The following CLASRP variants were observed in gnomAD, a reference collection of about 807,000 sequenced individuals.
CLASRP encodes the protein CLK4 associating serine/arginine rich protein, also known as CLK4-associating serine/arginine rich protein.
In CLASRP, 52 loss-of-function variants were observed where a neutral mutation model predicts 99.9. The ratio of observed to expected loss-of-function variants is 0.52; its 90% CI spans 0.42 to 0.66. CLASRP has a LOEUF of 0.66. Ranked by LOEUF, CLASRP falls within the 30% of genes least tolerant of loss-of-function variation. The pLI is 0.00. For missense variants in CLASRP, 848 were observed against 999.2 expected (o/e 0.85, Z 2.04); for synonymous variants, 379 against 373.0 (o/e 1.02, Z -0.18).
At chr19:45,063,128 T>C (rs549745894) in intron 11 of CLASRP, among the ~76,000 whole-genome samples, 1 of 152,134 alleles carries the variant, frequency 6.6e-6, no homozygotes, top group African/African-American at 2.4e-5. Flanking sequence ...TCAGATACTT[T>C]CTTTTTATTT....
Position 45,064,178 on chromosome 19 carries a change from G to A in CLASRP, c.1072G>A (p.Ala358Thr), listed in dbSNP as rs775988146. The A allele has an allele frequency of 6.2e-7, 1 of 1,609,104 alleles. No homozygotes were observed. The highest frequency in any genetic ancestry group is 8.5e-7 in the Non-Finnish European group (1 of 1,178,574). The part of the protein sequence containing the change: ...ASGVTTGKPP[A>T]PPQPGGPAPG... ...AGGAGTCACCACAGGGAAGCCCCCC[G>A]CACCTCCCCAGCCTGGCGGCCCCGC... Residue 358 changes from alanine (A) to threonine (T), a missense_variant, in exon 12 of 21, where the codon GCA becomes ACA. By Grantham distance (58) the Ala-to-Thr change is moderately conservative. Coordinates refer to ENST00000221455, the MANE Select transcript of CLASRP (RefSeq NM_007056.3).
rs779210157 is a variant in CLASRP, at chr19:45,070,789, C to A, written c.1983-14C>A. On this transcript the variant is annotated splice_polypyrimidine_tract_variant and intron_variant, in intron 20 of 20. Transcript: ENST00000221455. ...TATGCCCCATCCTCACGGCCCCTCC[C>A]TTTCTCTTTCCAGGCGCTCAAGGTC... The A allele has an allele frequency of 1.2e-6, 2 of 1,607,806 alleles. No homozygotes were observed. Among genetic ancestry groups the A allele is most frequent in the Non-Finnish European group, 1.7e-6 (2 of 1,175,880 alleles).
At chr19:45,062,268 G>T in intron 11 of CLASRP, 73 bp downstream of exon 11, 1 of 897,730 alleles carries the variant, frequency 1.1e-6, no homozygotes, top group African/African-American at 1.6e-5. Flanking sequence ...CTGAGGAGGG[G>T]ATGGGAGGTT....
At chr19:45,039,645 C>A in intron 1 of CLASRP, 1 of 154,442 alleles carries the variant, frequency 6.5e-6, no homozygotes. Flanking sequence ...TCTTCATCTT[C>A]CGCCACGCCC....
At chr19:45,046,782 C>T (rs1971925021) in intron 2 of CLASRP, among the ~76,000 whole-genome samples, 1 of 152,218 alleles carries the variant, frequency 6.6e-6, no homozygotes, top group Non-Finnish European at 1.5e-5. Context: ...AATCCCAACA[C>T]TTTGGGAGGC....
intron 2 of CLASRP, among the ~76,000 whole-genome samples, chr19:45,042,772 A>G (rs957682560): frequency 1.4e-4 from 21 of 151,980 alleles, no homozygotes; most frequent in Non-Finnish European, 7.4e-5. Context: ...ATGTGCCACT[A>G]TGCCTGGCTA....
intron 1 of CLASRP, chr19:45,039,423 C>G (rs927910414): frequency 1.3e-5 from 2 of 152,284 alleles, no homozygotes; most frequent in African/African-American, 2.4e-5. Flanking sequence ...CCACAAGCCC[C>G]GTCCAAACCT....
chr19:45,057,613 G>C, intron 6 of CLASRP, 137 bp from the exon 7 acceptor site: 1 of 937,672 alleles, frequency 1.1e-6, no homozygotes. Context: ...GCTGGGTGTG[G>C]GCAGGAGCAG....
intron 4 of CLASRP, 47 bp from the exon 5 acceptor site, chr19:45,053,051 G>T (rs1487141148): frequency 1.2e-6 from 2 of 1,605,126 alleles, no homozygotes; most frequent in Non-Finnish European, 1.7e-6. Flanking sequence ...GCTTGGGGGG[G>T]GATCCACTCC....
chr19:45,052,937 G>A (rs1292839249), intron 4 of CLASRP, 45 bp downstream of exon 4: 2 of 1,557,892 alleles, frequency 1.3e-6, no homozygotes, highest in Non-Finnish European at 8.8e-7. Flanking sequence ...GTCATACCCA[G>A]GAGCCCCTGT....
chr19:45,049,511 T>C (rs572460214), intron 2 of CLASRP, among the ~76,000 whole-genome samples: 1 of 152,234 alleles, frequency 6.6e-6, no homozygotes, highest in South Asian at 2.1e-4. Context: ...ACCTGGCACA[T>C]AGTGAGTGCG....
chr19:45,053,476 TTTTATTTA>T (rs1276514745), intron 5 of CLASRP, among the ~76,000 whole-genome samples: 1 of 152,112 alleles, frequency 6.6e-6, no homozygotes, highest in Non-Finnish European at 1.5e-5. Flanking sequence ...ATGTTTTTAT[TTTTATTTA>T]TTTATTTATT....
intron 13 of CLASRP, among the ~76,000 whole-genome samples, chr19:45,065,747 G>A (rs1186463398): frequency 1.3e-5 from 2 of 152,070 alleles, no homozygotes; most frequent in Non-Finnish European, 2.9e-5. Flanking sequence ...TAGACTGCAG[G>A]GCACCTGCCT....
chr19:45,051,066 G>A (rs969803896), intron 2 of CLASRP, among the ~76,000 whole-genome samples: 2 of 151,980 alleles, frequency 1.3e-5, no homozygotes, highest in African/African-American at 2.4e-5. Flanking sequence ...GCCTAGTGTG[G>A]GTGAAGTGGT....
chr19:45,046,526 T>G (rs1971919970), intron 2 of CLASRP, among the ~76,000 whole-genome samples: 2 of 152,132 alleles, frequency 1.3e-5, no homozygotes, highest in South Asian at 4.1e-4. Flanking sequence ...CTCAGCGCTG[T>G]CCACTCTAGG....
Position 45,070,854 on chromosome 19 carries a change from GT to G in CLASRP, c.*10del, listed in dbSNP as rs781666937. 60 of 1,556,692 alleles carry G rather than the reference GT, an allele frequency of 3.9e-5. No individual in the cohort carries two copies. The highest frequency in any genetic ancestry group is 4.8e-5 in the Non-Finnish European group (54 of 1,132,898). On this transcript the variant is annotated 3_prime_UTR_variant, in exon 21 of 21. Coordinates refer to ENST00000221455, the MANE Select transcript of CLASRP (RefSeq NM_007056.3). ...CCCATTACCGACATTAGGCAGAAGA[GT>G]GGGGGGTGGGGAGGACAAGGGGGTG...
chr19:45,058,259 G>A (rs1972160088), intron 7 of CLASRP: 2 of 240,092 alleles, frequency 8.3e-6, no homozygotes, highest in African/African-American at 2.2e-5. Context: ...GCCCCCATCC[G>A]CCAGGCATCT....
Position 45,060,337 on chromosome 19 carries a change from T to C in CLASRP, c.711-52T>C. 6.5e-7 allele frequency: 1 copy of C among 1,539,210 alleles called. No individual in the cohort carries two copies. The highest frequency in any genetic ancestry group is 1.7e-5 in the Admixed American group (1 of 59,894). ...TCTGATGACTCAGTCTGTGTCCTCCTTACCCTGTGGCCTGCCCCATCCTCC... is the reference window on the plus strand; with the variant it reads ...TCTGATGACTCAGTCTGTGTCCTCCCTACCCTGTGGCCTGCCCCATCCTCC... On this transcript the variant is annotated intron_variant, in intron 8 of 20. Coordinates refer to ENST00000221455, the MANE Select transcript of CLASRP (RefSeq NM_007056.3). The surrounding 1 kb of genome is among the most constrained non-coding windows in gnomAD (Gnocchi z 4.6).
chr19:45,040,181 C>A lies in CLASRP; in HGVS notation c.-29-3C>A, dbSNP rs763107800. ...TGACTTTCCTGGTCCCTTCATCCCT[C>A]AGGTTGAGGCCCCAGGCTTGGCCTC... On this transcript the variant is annotated splice_polypyrimidine_tract_variant and splice_region_variant and intron_variant, in intron 1 of 20. Transcript: ENST00000221455. 6.5e-7 allele frequency: 1 copy of A among 1,541,878 alleles called. No individual in the cohort carries two copies. The highest frequency in any genetic ancestry group is 8.9e-7 in the Non-Finnish European group (1 of 1,127,820).
Sources: gnomAD v4.1 joint callset for allele counts (sites outside exome capture counted in the v4.1 genomes callset) on GRCh38, gnomAD v4.1.1 for gene constraint, Gnocchi (gnomAD v3.1) non-coding constraint, MANE v1.5 for transcripts, NCBI Gene and HGNC (gene_info 2026-07-23, HGNC 2026-07-21) for gene names.